SLC8A2: variants seen among roughly 807,000 people sequenced by gnomAD.
The protein encoded by SLC8A2 is solute carrier family 8 member A2, also known as sodium/calcium exchanger 2.
SLC8A2 carries 14 observed loss-of-function variants against 70.2 expected under a neutral mutation model. The observed-to-expected ratio is 0.20, with a 90% CI of 0.13 to 0.31. The LOEUF is 0.31. Among genes scored for constraint, SLC8A2 ranks in the 10% least tolerant of loss-of-function variants. The pLI is 1.00. For missense variants in SLC8A2, 779 were observed against 1,320.1 expected, an observed-to-expected ratio of 0.59 and a Z score of 6.35; for synonymous variants, 575 against 594.3, an observed-to-expected ratio of 0.97 and a Z score of 0.47.
rs539265002 is a variant in SLC8A2, at chr19:47,466,795, C to A, written c.-16-376G>T. Among the ~76,000 whole-genome samples the A allele has an allele frequency of 6.6e-6, 1 of 152,078 alleles. No individual in the cohort carries two copies. The highest frequency in any genetic ancestry group is 1.9e-4 in the East Asian group (1 of 5,194). ...AAGAATGTTCATAGCAGGCCGGGTG[C>A]GGTGGCTACGCCTGTAATCCCTGAA... is the stretch of plus-strand genomic sequence containing the variant. On this transcript the variant is annotated intron_variant, in intron 1 of 9. Transcript: ENST00000236877. This position sits in a 1 kb window ranked among gnomAD's most constrained non-coding sequence, Gnocchi z 6.9.
chr19:47,459,904 C>A (rs921672153), intron 2 of SLC8A2, among the ~76,000 whole-genome samples: 14 of 152,082 alleles, frequency 9.2e-5, no homozygotes, highest in African/African-American at 3.1e-4. Flanking sequence ...TGCCAGGAAC[C>A]CGGACATCCT....
rs73570316 is a variant in SLC8A2 at position 47,465,194 on chromosome 19, A to G, written c.675+535T>C. On this transcript the variant is annotated intron_variant, in intron 2 of 9. Coordinates refer to ENST00000236877, the MANE Select transcript of SLC8A2 (RefSeq NM_015063.3). The surrounding 1 kb of genome is among the most constrained non-coding windows in gnomAD (Gnocchi z 5.5). ...CCCATGGATAAATTATGCAAATTGC[A>G]CTAAGTTACTCAAGCCAATTAGCAA... Among the ~76,000 whole-genome samples, 1,116 of 152,352 alleles carry G rather than the reference A, an allele frequency of 7.3e-3. 12 individuals carry two copies. Among genetic ancestry groups the G allele is most frequent in the African/African-American group, 0.024 (1,015 of 41,582 alleles).
intron 4 of SLC8A2, among the ~76,000 whole-genome samples, chr19:47,442,596 A>G (rs1363664508): frequency 6.6e-6 from 1 of 152,002 alleles, no homozygotes; most frequent in East Asian, 1.9e-4. Flanking sequence ...AATGGGGCCC[A>G]CTTCTTCCAT....
chr19:47,434,352 A>G (rs1967000379), intron 8 of SLC8A2, among the ~76,000 whole-genome samples: 2 of 152,158 alleles, frequency 1.3e-5, no homozygotes, highest in Admixed American at 1.3e-4. Flanking sequence ...TCCCCTCTAC[A>G]GGGAGGCTCG....
intron 6 of SLC8A2, 64 bp downstream of exon 6, chr19:47,441,105 C>T: frequency 2.0e-6 from 3 of 1,512,524 alleles, no homozygotes; most frequent in Non-Finnish European, 2.8e-6. Flanking sequence ...GGGGCTGGGA[C>T]CCTCCCCCAG....
chr19:47,441,824 C>T (rs546458173), intron 4 of SLC8A2, among the ~76,000 whole-genome samples: 1 of 152,296 alleles, frequency 6.6e-6, no homozygotes, highest in South Asian at 2.1e-4. Flanking sequence ...AAAAAATAGG[C>T]CGGGCACGGT....
intron 3 of SLC8A2, among the ~76,000 whole-genome samples, chr19:47,452,002 G>T (rs1019843626): frequency 2.0e-5 from 3 of 152,094 alleles, no homozygotes; most frequent in Non-Finnish European, 4.4e-5. Flanking sequence ...GATATTACAG[G>T]GATGACTGGG....
In SLC8A2 at chr19:47,457,170, A is replaced by G; in HGVS notation, c.1100T>C (p.Val367Ala). 5 of 1,544,488 alleles carry G rather than the reference A, an allele frequency of 3.2e-6. No individual in the cohort carries two copies. Among genetic ancestry groups the G allele is most frequent in the Non-Finnish European group, 4.4e-6 (5 of 1,145,076 alleles). ...ATRLMTGAGNVLRRHAADASR... is the reference protein window; with the variant it reads ...ATRLMTGAGNALRRHAADASR... ...GGCGTCCGCCGCGTGTCTGCGCAGC[A>G]CGTTCCCGGCGCCGGTCATCAGCCG... is the stretch of plus-strand genomic sequence containing the variant. The change falls in exon 3 of 10, where the codon GTG (valine) becomes GCG (alanine). Residue 367 changes from valine (V) to alanine (A), a missense_variant. By Grantham distance (64) the Val-to-Ala change is moderately conservative (BLOSUM62 0). Transcript: ENST00000236877.
At position 47,430,462 on chromosome 19, in the gene SLC8A2, G is replaced by A. The variant is rs755154871; in HGVS notation, c.2393C>T (p.Thr798Met). The stretch of plus-strand genomic sequence containing the variant: ...CAGCGCCGCCACCTTGCTGGCGAAC[G>A]TGTCTGCGAGGCAGAGACATACAGG... ...FVALGTSIPD[T>M]FASKVAALQD... The change falls in exon 10 of 10, where the codon ACG becomes ATG. Residue 798 changes from threonine to methionine, a missense_variant. By Grantham distance (81) the Thr-to-Met change is moderately conservative. Transcript: ENST00000236877. This position sits in a 1 kb window ranked among gnomAD's most constrained non-coding sequence, Gnocchi z 5.9. 15 of 1,600,142 alleles carry A rather than the reference G, an allele frequency of 9.4e-6. No individual in the cohort carries two copies. The highest frequency in any genetic ancestry group is 1.7e-6 in the Non-Finnish European group (2 of 1,175,314).
intron 1 of SLC8A2, among the ~76,000 whole-genome samples, chr19:47,469,015 C>T (rs993999068): frequency 6.6e-6 from 1 of 152,168 alleles, no homozygotes; most frequent in African/African-American, 2.4e-5. Flanking sequence ...CCAACTCACA[C>T]CTACATACCC....
chr19:47,467,679 G>A (rs1449121236), intron 1 of SLC8A2, among the ~76,000 whole-genome samples: 1 of 151,940 alleles, frequency 6.6e-6, no homozygotes, highest in Non-Finnish European at 1.5e-5. Flanking sequence ...CTATTACCGT[G>A]TCTTATCTGG....
intron 2 of SLC8A2, among the ~76,000 whole-genome samples, chr19:47,462,693 T>C (rs1293811031): frequency 6.6e-6 from 1 of 151,672 alleles, no homozygotes; most frequent in East Asian, 1.9e-4. Context: ...GTTCAAGCGA[T>C]TCTCCTGCCT....
Position 47,465,275 on chromosome 19 carries a change from G to A in SLC8A2, c.675+454C>T, listed in dbSNP as rs149371746. Among the ~76,000 whole-genome samples, 4 of 152,230 alleles carry A rather than the reference G, an allele frequency of 2.6e-5. No homozygotes were observed. Among genetic ancestry groups the A allele is most frequent in the African/African-American group, 9.6e-5 (4 of 41,562 alleles). On this transcript the variant is annotated intron_variant, in intron 2 of 9. Transcript: ENST00000236877. The surrounding 1 kb of genome is among the most constrained non-coding windows in gnomAD (Gnocchi z 5.5). ...AAGGGTAGTATGAATTATGCGAATG[G>A]AGGATGTCTTATTGCAAAAGCGGGA...
At chr19:47,433,899 C>T (rs1966994412) in intron 8 of SLC8A2, among the ~76,000 whole-genome samples, 1 of 152,176 alleles carries the variant, frequency 6.6e-6, no homozygotes. Flanking sequence ...CCTCCTAGGC[C>T]TCCCAAAGTT....
At chr19:47,455,101 AGAGAG>A (rs1374054161) in intron 3 of SLC8A2, among the ~76,000 whole-genome samples, 10 of 152,024 alleles carry the variant, frequency 6.6e-5, no homozygotes, top group Non-Finnish European at 1.0e-4. Context: ...GAAGAAAGGA[AGAGAG>A]GAGAGGAGAG....
Position 47,447,889 on chromosome 19 carries a change from C to A in SLC8A2, c.1683G>T (p.Thr561=). Residue 561 remains threonine (T), a synonymous_variant, in exon 4 of 10, where the codon ACG becomes ACT. Transcript: ENST00000236877. This position sits in a 1 kb window ranked among gnomAD's most constrained non-coding sequence, Gnocchi z 5.1. ...CGCCGCCGCGCGCCGTGCCGTCCAC[C>A]GTGCGGTAGGGAAGGCGCACGGTGC... The part of the protein sequence containing the change: ...ARGTVRLPYR[T]VDGTARGGGV... 1 of 1,590,672 alleles carries A rather than the reference C, an allele frequency of 6.3e-7. No individual in the cohort carries two copies. The highest frequency in any genetic ancestry group is 1.1e-5 in the South Asian group (1 of 88,450).
At chr19:47,471,359 G>A (rs1012057848) in intron 1 of SLC8A2, among the ~76,000 whole-genome samples, 2 of 152,226 alleles carry the variant, frequency 1.3e-5, no homozygotes, top group East Asian at 1.9e-4. Flanking sequence ...GAGACACAGA[G>A]AGAGGGAGAC....
intron 4 of SLC8A2, among the ~76,000 whole-genome samples, chr19:47,443,838 C>G (rs1015540780): frequency 2.0e-5 from 3 of 152,180 alleles, no homozygotes; most frequent in African/African-American, 7.2e-5. Context: ...GACTCTCCAG[C>G]AGTCTCTCTC....
intron 4 of SLC8A2, among the ~76,000 whole-genome samples, chr19:47,445,377 G>A (rs1250342726): frequency 1.3e-5 from 2 of 152,138 alleles, no homozygotes; most frequent in Admixed American, 6.5e-5. Context: ...CCAAAGTGCT[G>A]AGATTACAGG....
Sources: allele counts gnomAD v4.1 joint callset (sites outside exome capture counted in the v4.1 genomes callset), GRCh38; gene constraint gnomAD v4.1.1; non-coding constraint Gnocchi (gnomAD v3.1); transcripts MANE v1.5; gene names NCBI Gene and HGNC (gene_info 2026-07-23, HGNC 2026-07-21).